The following MID1 variants were observed in gnomAD, a reference collection of about 807,000 sequenced individuals.
MID1 encodes the protein E3 ubiquitin-protein ligase Midline-1.
In MID1, 7 loss-of-function variants were observed where a neutral mutation model predicts 40.4. The observed-to-expected ratio is 0.17, with a 90% CI of 0.10 to 0.33. The LOEUF (loss-of-function observed/expected upper bound fraction) is 0.33. MID1 is among the 10% of genes least tolerant of loss of function. MID1 has a pLI of 1.00. For missense variants in MID1, 367 were observed against 558.5 expected (o/e 0.66, Z 3.46); for synonymous variants, 229 against 221.2 (o/e 1.04, Z -0.31).
At chrX:10,555,732 G>C (rs755044939) in intron 2 of MID1, among the ~76,000 whole-genome samples, 1 of 110,836 alleles carries the variant, frequency 9.0e-6, no homozygotes, top group Admixed American at 9.6e-5. Context: ...TATTGTTTCA[G>C]TAATAAGAAC....
intron 1 of MID1, among the ~76,000 whole-genome samples, chrX:10,567,831 G>A (rs1934613339): frequency 9.8e-6 from 1 of 101,883 alleles, no homozygotes; most frequent in Non-Finnish European, 1.9e-5. Context: ...CTGAAAATGT[G>A]CAATTTTTTT....
chrX:10,722,576 C>T (rs1049745411), intron 1 of MID1, among the ~76,000 whole-genome samples: 3 of 111,934 alleles, frequency 2.7e-5, no homozygotes, highest in Middle Eastern at 4.6e-3. Flanking sequence ...GAATATCGGC[C>T]TTCAAGAGGA....
chrX:10,662,038 C>T (rs1459065832), intron 1 of MID1, among the ~76,000 whole-genome samples: 2 of 111,979 alleles, frequency 1.8e-5, no homozygotes, highest in Non-Finnish European at 3.8e-5. Context: ...GGTGTGGTGG[C>T]TCACGCCTGT....
intron 1 of MID1, among the ~76,000 whole-genome samples, chrX:10,571,401 C>T (rs1934718481): frequency 9.0e-6 from 1 of 111,435 alleles, no homozygotes; most frequent in African/African-American, 3.3e-5. Context: ...GTACTCATTC[C>T]ATTCCTTCTT....
chrX:10,764,590 A>G (rs999756771), intron 1 of MID1, among the ~76,000 whole-genome samples: 1 of 111,799 alleles, frequency 8.9e-6, no homozygotes, highest in Admixed American at 9.5e-5. Context: ...GTGTATGATA[A>G]TCAAAGGTTA....
At chrX:10,479,211 T>C (rs764176740) in intron 5 of MID1, among the ~76,000 whole-genome samples, 4 of 112,099 alleles carry the variant, frequency 3.6e-5, no homozygotes, top group African/African-American at 1.3e-4. Context: ...AACAATTCTT[T>C]TGTGGGTATA....
intron 1 of MID1, among the ~76,000 whole-genome samples, chrX:10,703,161 C>G (rs747580840): frequency 2.7e-5 from 3 of 111,921 alleles, no homozygotes; most frequent in Non-Finnish European, 5.6e-5. Flanking sequence ...CACTACATTA[C>G]GGTTTCAGGA....
At chrX:10,698,950 T>G (rs375187181) in intron 1 of MID1, among the ~76,000 whole-genome samples, 6 of 111,695 alleles carry the variant, frequency 5.4e-5, no homozygotes, top group African/African-American at 2.0e-4. Context: ...GTTTCCTCCA[T>G]GTATCTACCT....
intron 1 of MID1, among the ~76,000 whole-genome samples, chrX:10,763,647 G>C (rs964410637): frequency 7.2e-5 from 8 of 110,922 alleles, no homozygotes; most frequent in Middle Eastern, 4.7e-3. Flanking sequence ...TGTCTTTATA[G>C]CAGCATGATT....
intron 2 of MID1, among the ~76,000 whole-genome samples, chrX:10,566,532 C>CCTCTCTCTCCCTCTCTCT (rs1934550291): frequency 1.9e-5 from 1 of 52,863 alleles, no homozygotes; most frequent in African/African-American, 6.0e-5. Flanking sequence ...CCTCTCTCTC[C>CCTCTCTCTCCCTCTCTCT]CTCTCTCTCT....
At chrX:10,606,141 C>T (rs374132623) in intron 1 of MID1, among the ~76,000 whole-genome samples, 8 of 110,526 alleles carry the variant, frequency 7.2e-5, no homozygotes, top group Middle Eastern at 9.6e-3. Context: ...TTTTTACATG[C>T]GGTTATAATT....
chrX:10,599,069 C>T (rs1399037254), intron 1 of MID1, among the ~76,000 whole-genome samples: 1 of 111,792 alleles, frequency 8.9e-6, no homozygotes, highest in Admixed American at 9.5e-5. Context: ...TATCCAATCC[C>T]GGGTCTCTGA....
At chrX:10,547,572 C>CAA (rs1171938473) in intron 2 of MID1, among the ~76,000 whole-genome samples, 63 of 14,250 alleles carry the variant, frequency 4.4e-3, no homozygotes, top group Non-Finnish European at 6.0e-3. Flanking sequence ...GACTCTGTCT[C>CAA]AAAAAAAAAA....
At chrX:10,584,385 G>A (rs1479319914) in intron 1 of MID1, among the ~76,000 whole-genome samples, 3 of 112,104 alleles carry the variant, frequency 2.7e-5, no homozygotes, top group African/African-American at 9.7e-5. Context: ...AACCATGGAT[G>A]TACAGTTAAG....
At chrX:10,550,102 T>C (rs1343863803) in intron 2 of MID1, among the ~76,000 whole-genome samples, 1 of 112,524 alleles carries the variant, frequency 8.9e-6, no homozygotes, top group East Asian at 2.8e-4. Flanking sequence ...TAACTTTTGA[T>C]CTATGGAAAT....
At chrX:10,451,203 T>C (rs990162151) in intron 9 of MID1, among the ~76,000 whole-genome samples, 9 of 111,953 alleles carry the variant, frequency 8.0e-5, no homozygotes, top group African/African-American at 2.9e-4. Context: ...CTCCTGCTTA[T>C]GAGGAGAATC....
At chrX:10,477,181 T>C (rs1222848899) in intron 5 of MID1, among the ~76,000 whole-genome samples, 1 of 112,865 alleles carries the variant, frequency 8.9e-6, no homozygotes, top group African/African-American at 3.2e-5. Context: ...GCACCAAACT[T>C]GCAATTGCAT....
intron 1 of MID1, among the ~76,000 whole-genome samples, chrX:10,728,124 G>A (rs1454117807): frequency 8.9e-6 from 1 of 111,841 alleles, no homozygotes; most frequent in Non-Finnish European, 1.9e-5. Context: ...TTGTCTCCTA[G>A]AAATAAATAT....
chrX:10,706,531 T>C (rs1024487080), intron 1 of MID1, among the ~76,000 whole-genome samples: 36 of 110,579 alleles, frequency 3.3e-4, no homozygotes, highest in African/African-American at 1.2e-3. Flanking sequence ...AAAGCGTTTT[T>C]CCCCCTTTTG....
Sources: gnomAD v4.1 joint callset for allele counts (sites outside exome capture counted in the v4.1 genomes callset) on GRCh38, gnomAD v4.1.1 for gene constraint, MANE v1.5 for transcripts, NCBI Gene and HGNC (gene_info 2026-07-23, HGNC 2026-07-21) for gene names.